Variants in SPEG observed in about 807,000 individuals in gnomAD.
SPEG encodes the protein striated muscle enriched protein kinase, also known as striated muscle preferentially expressed protein kinase.
SPEG carries 114 observed loss-of-function variants against 300.4 expected under a neutral mutation model. That is an observed-to-expected ratio of 0.38 (90% confidence interval 0.33 to 0.44). The LOEUF (loss-of-function observed/expected upper bound fraction) is 0.44, where lower values mean the gene tolerates loss of function less well. Ranked by LOEUF, SPEG falls within the 20% of genes least tolerant of loss-of-function variation. The pLI, the probability that SPEG is intolerant of heterozygous loss-of-function variation, is 1.00. For synonymous variants in SPEG, 1,964 were observed against 2,018.9 expected (o/e 0.97, Z 0.73); for missense variants, 4,201 against 4,586.2 (o/e 0.92, Z 2.43).
In SPEG at chr2:219,481,570, G is replaced by A. The variant is rs1692847614; in HGVS notation, c.5523-68G>A. ...AAGCCCCCAACTCCTTAGGAGCCCT[G>A]TTTGCTCAGTTATTGACTCACTGAT... On this transcript the variant is annotated intron_variant, in intron 27 of 40. Coordinates refer to ENST00000312358, the MANE Select transcript of SPEG (RefSeq NM_005876.5). This position sits in a 1 kb window ranked among gnomAD's most constrained non-coding sequence, Gnocchi z 5.4. 6.2e-7 allele frequency: 1 copy of A among 1,606,640 alleles called. No individual in the cohort carries two copies. Among genetic ancestry groups the A allele is most frequent in the Non-Finnish European group, 8.5e-7 (1 of 1,173,444 alleles).
chr2:219,452,505 G>GCCTGGGGTTCGGGGA (rs1025848470), intron 6 of SPEG, among the ~76,000 whole-genome samples: 1 of 152,180 alleles, frequency 6.6e-6, no homozygotes, highest in Non-Finnish European at 1.5e-5. Context: ...CTGACCCCGG[G>GCCTGGGGTTCGGGGA]CCTGGGGTTC....
chr2:219,477,486 T>C lies in SPEG; in HGVS notation c.4729+41T>C. On this transcript the variant is annotated intron_variant, in intron 20 of 40. Transcript: ENST00000312358. This position sits in a 1 kb window ranked among gnomAD's most constrained non-coding sequence, Gnocchi z 6.4. Reference sequence around the variant, plus strand: ...GGAGAAAGGTAAAGCGCACACCCCCTGGAATCTGATGTGACCCTCCATGCT... The same window carrying C: ...GGAGAAAGGTAAAGCGCACACCCCCCGGAATCTGATGTGACCCTCCATGCT... The C allele has an allele frequency of 2.6e-6, 4 of 1,519,036 alleles. No individual in the cohort carries two copies. In the South Asian group the frequency reaches 5.1e-5, roughly 19 times the overall value. The allele number at this position is 1,519,036 out of a possible 1,614,324, so 94.1% of individuals were successfully genotyped here.
rs1362346842 is a variant in SPEG, at chr2:219,473,580, C to T, written c.4224C>T (p.Ser1408=). The change falls in exon 17 of 41, where the codon AGC becomes AGT. Residue 1408 remains serine (S), a synonymous_variant. Coordinates refer to ENST00000312358, the MANE Select transcript of SPEG (RefSeq NM_005876.5). This position sits in a 1 kb window ranked among gnomAD's most constrained non-coding sequence, Gnocchi z 4.6. ...IVYVVEGQPA[S]VTVTFNHVEA... is the part of the protein sequence containing the mutation. The stretch of plus-strand genomic sequence containing the variant: ...ATGTGGTGGAGGGACAGCCTGCCAG[C>T]GTCACCGTCACATTCAACCATGTGG... 7.4e-6 allele frequency: 12 copies of T among 1,614,066 alleles called. No homozygotes were observed. The highest frequency in any genetic ancestry group is 2.2e-5 in the South Asian group (2 of 91,088).
Position 219,490,400 on chromosome 2 carries a change from G to T in SPEG, c.8922-9G>T. 1 of 1,606,180 alleles carries T rather than the reference G, an allele frequency of 6.2e-7. No homozygotes were observed. Among genetic ancestry groups the T allele is most frequent in the Non-Finnish European group, 8.5e-7 (1 of 1,176,116 alleles). On this transcript the variant is annotated splice_polypyrimidine_tract_variant and intron_variant, in intron 36 of 40. Transcript: ENST00000312358. ...CTGAGCCGGTGGTGTCCCTCCCCCCGACACACAGGGGCCGCTTTGGTGTTG... is the reference window on the plus strand; with the variant it reads ...CTGAGCCGGTGGTGTCCCTCCCCCCTACACACAGGGGCCGCTTTGGTGTTG...
intron 38 of SPEG, 127 bp downstream of exon 38, chr2:219,491,083 G>A (rs936504547): frequency 1.3e-5 from 9 of 701,722 alleles, no homozygotes; most frequent in African/African-American, 1.1e-4. Context: ...AGCAATGAAC[G>A]AAGTATGTGG....
chr2:219,470,796 C>A (rs1290906624), intron 13 of SPEG, among the ~76,000 whole-genome samples: 1 of 152,182 alleles, frequency 6.6e-6, no homozygotes, highest in African/African-American at 2.4e-5. Flanking sequence ...GGACCTTGAA[C>A]AAGTCAATAT....
intron 14 of SPEG, 100 bp downstream of exon 14, chr2:219,472,087 C>A: frequency 6.5e-7 from 1 of 1,533,278 alleles, no homozygotes; most frequent in Non-Finnish European, 8.9e-7. Flanking sequence ...CCCTTCCCCT[C>A]CATCCCCTGG....
intron 15 of SPEG, among the ~76,000 whole-genome samples, 155 bp downstream of exon 15, chr2:219,472,486 C>T (rs756876347): frequency 1.1e-4 from 16 of 152,150 alleles, no homozygotes; most frequent in Admixed American, 2.0e-4. Context: ...CTTCTCTCCA[C>T]GTTGCATGGG....
chr2:219,449,968 A>C (rs1689619099), intron 4 of SPEG, among the ~76,000 whole-genome samples: 1 of 151,602 alleles, frequency 6.6e-6, no homozygotes, highest in Admixed American at 6.6e-5. Flanking sequence ...CTGCACATCA[A>C]CTCGAGGCCC....
At chr2:219,436,868 G>T (rs780690365) in intron 1 of SPEG, among the ~76,000 whole-genome samples, 14 of 152,226 alleles carry the variant, frequency 9.2e-5, no homozygotes, top group Non-Finnish European at 1.0e-4. Context: ...CCCCCCAGGG[G>T]CAAAGAGGGC....
At chr2:219,476,668 G>T (rs987040696) in intron 18 of SPEG, among the ~76,000 whole-genome samples, 1 of 151,874 alleles carries the variant, frequency 6.6e-6, no homozygotes, top group Non-Finnish European at 1.5e-5. Flanking sequence ...TTGGATTTAC[G>T]GGGCGGGGCG....
chr2:219,464,487 T>C lies in SPEG; in HGVS notation c.2760T>C (p.Ala920=), dbSNP rs1417992056. 1.9e-6 allele frequency: 3 copies of C among 1,613,820 alleles called. No individual in the cohort carries two copies. Among genetic ancestry groups the C allele is most frequent in the Non-Finnish European group, 2.5e-6 (3 of 1,180,026 alleles). The change falls in exon 9 of 41, where the codon GCT becomes GCC. Residue 920 remains alanine, a synonymous_variant. Coordinates refer to ENST00000312358, the MANE Select transcript of SPEG (RefSeq NM_005876.5). This position sits in a 1 kb window ranked among gnomAD's most constrained non-coding sequence, Gnocchi z 4.5. ...ACCAGCGGCGCTTTGCGGAGGAGGC[T>C]GAGGGTGGGCTGTGCCGGCTGCGGA... ...RPDQRRFAEE[A]EGGLCRLRIL... is the part of the protein sequence containing the mutation.
At position 219,490,915 on chromosome 2, in the gene SPEG, TTAGGCCCCTTG is replaced by T; in HGVS notation, c.9345_9355del (p.Arg3116ProfsTer44). 6.2e-7 allele frequency: 1 copy of T among 1,613,606 alleles called. No individual in the cohort carries two copies. Among genetic ancestry groups the T allele is most frequent in the Non-Finnish European group, 8.5e-7 (1 of 1,179,984 alleles). The stretch of plus-strand genomic sequence containing the variant: ...GCCCAGCCCTACAACCCCCAGGCCC[TTAGGCCCCTTG>T]GCCACCGCACGGGCACGCTGGAGTT... On this transcript the variant is annotated frameshift_variant, in exon 38 of 41. Transcript: ENST00000312358. LOFTEE classifies it high-confidence loss of function.
At position 219,445,206 on chromosome 2, in the gene SPEG, C is replaced by T. The variant is rs747653497; in HGVS notation, c.815+45C>T. On this transcript the variant is annotated intron_variant, in intron 3 of 40. Coordinates refer to ENST00000312358, the MANE Select transcript of SPEG (RefSeq NM_005876.5). The surrounding 1 kb of genome is among the most constrained non-coding windows in gnomAD (Gnocchi z 6.1). Reference sequence around the variant, plus strand: ...GGGCCTGAACTGCCCCATCTCACCACGCTGTCCTGCGCTGCCCTCACTGCT... The same window carrying T: ...GGGCCTGAACTGCCCCATCTCACCATGCTGTCCTGCGCTGCCCTCACTGCT... 2.1e-5 allele frequency: 31 copies of T among 1,489,282 alleles called. No individual in the cohort carries two copies. In the Admixed American group the frequency reaches 2.6e-4, roughly 12 times the overall value. The allele number at this position is 1,489,282 out of a possible 1,614,324, so 92.3% of individuals were successfully genotyped here. A position where few individuals can be genotyped will look rare whatever the true frequency, so the allele number is the denominator to read the frequency against.
intron 3 of SPEG, among the ~76,000 whole-genome samples, chr2:219,446,171 A>G (rs971656120): frequency 6.6e-6 from 1 of 151,934 alleles, no homozygotes; most frequent in African/African-American, 2.4e-5. Flanking sequence ...GGGCTGGGCC[A>G]CGGCCAGGGG....
rs767147976 is a variant in SPEG, at chr2:219,476,879, G to T, written c.4457G>T (p.Arg1486Leu). The change falls in exon 19 of 41, where the codon CGG becomes CTG. Residue 1486 changes from arginine to leucine, a missense_variant. Coordinates refer to ENST00000312358, the MANE Select transcript of SPEG (RefSeq NM_005876.5). The stretch of plus-strand genomic sequence containing the variant: ...TCCCCATGTGTTTCAGAGGCCCCTC[G>T]GTTTGAGTCCATCATGGAGGACGTG... ...SVTLELAEAP[R>L]FESIMEDVEV... is the part of the protein sequence containing the mutation. The T allele has an allele frequency of 6.2e-7, 1 of 1,613,566 alleles. No homozygotes were observed. Among genetic ancestry groups the T allele is most frequent in the Non-Finnish European group, 8.5e-7 (1 of 1,179,806 alleles).
chr2:219,450,988 C>A, intron 4 of SPEG, 148 bp from the exon 5 acceptor site: 1 of 756,720 alleles, frequency 1.3e-6, no homozygotes, highest in Non-Finnish European at 2.0e-6. Flanking sequence ...ATTCAGGAGG[C>A]AGACCCTCTT....
intron 6 of SPEG, among the ~76,000 whole-genome samples, chr2:219,460,147 G>A (rs780402178): frequency 1.7e-4 from 26 of 152,224 alleles, no homozygotes; most frequent in Non-Finnish European, 3.7e-4. Context: ...GGCGGTTTGG[G>A]TAGGAAGGCT....
chr2:219,447,961 C>G lies in SPEG; in HGVS notation c.816-13C>G. 2 of 1,611,616 alleles carry G rather than the reference C, an allele frequency of 1.2e-6. No homozygotes were observed. The highest frequency in any genetic ancestry group is 1.7e-6 in the Non-Finnish European group (2 of 1,179,314). Reference sequence around the variant, plus strand: ...CCCTGAATCCTCTACCCTTCTCCATCTTGGTTCTGCAGCAGCGTCCCTCAG... The same window carrying G: ...CCCTGAATCCTCTACCCTTCTCCATGTTGGTTCTGCAGCAGCGTCCCTCAG... On this transcript the variant is annotated splice_polypyrimidine_tract_variant and intron_variant, in intron 3 of 40. Transcript: ENST00000312358.
Sources: gnomAD v4.1 joint callset for allele counts (sites outside exome capture counted in the v4.1 genomes callset) on GRCh38, gnomAD v4.1.1 for gene constraint, Gnocchi (gnomAD v3.1) non-coding constraint, MANE v1.5 for transcripts, NCBI Gene and HGNC (gene_info 2026-07-23, HGNC 2026-07-21) for gene names.